The following SORCS2 variants were observed in gnomAD, a reference collection of about 807,000 sequenced individuals.
The protein encoded by SORCS2 is VPS10 domain-containing receptor SorCS2.
Under a neutral mutation model 141.6 loss-of-function variants are expected in SORCS2, and 100 were observed. That is an observed-to-expected ratio of 0.71 (90% CI 0.60 to 0.83). The LOEUF is 0.83. Ranked by LOEUF, SORCS2 falls within the 40% of genes least tolerant of loss-of-function variation. SORCS2 has a pLI of 0.00. For synonymous variants in SORCS2, 789 were observed against 676.9 expected (o/e 1.17, Z -2.57); for missense variants, 1,646 against 1,560.2 (o/e 1.05, Z -0.93).
At chr4:7,703,551 G>A (rs1374928876) in intron 13 of SORCS2, among the ~76,000 whole-genome samples, 180 bp downstream of exon 13, 1 of 152,202 alleles carries the variant, frequency 6.6e-6, no homozygotes, top group Non-Finnish European at 1.5e-5. Flanking sequence ...TTTCCTGAGG[G>A]GTCGTGGAGA....
At chr4:7,270,284 G>A (rs1476655279) in intron 1 of SORCS2, among the ~76,000 whole-genome samples, 1 of 152,274 alleles carries the variant, frequency 6.6e-6, no homozygotes, top group East Asian at 1.9e-4. Flanking sequence ...GCACGCGTGT[G>A]GGTGCAGCAC....
chr4:7,392,359 G>A (rs1292545719), intron 1 of SORCS2, among the ~76,000 whole-genome samples: 4 of 152,168 alleles, frequency 2.6e-5, no homozygotes, highest in Non-Finnish European at 5.9e-5. Context: ...CGGACATCAG[G>A]GGCTTTGGGG....
At chr4:7,334,801 T>C (rs753454439) in intron 1 of SORCS2, among the ~76,000 whole-genome samples, 1 of 151,982 alleles carries the variant, frequency 6.6e-6, no homozygotes, top group Non-Finnish European at 1.5e-5. Flanking sequence ...GCCGGCTTCA[T>C]GGAAGAGGTG....
At chr4:7,624,186 C>T (rs766039762) in intron 3 of SORCS2, among the ~76,000 whole-genome samples, 5 of 137,212 alleles carry the variant, frequency 3.6e-5, no homozygotes, top group African/African-American at 1.0e-4. Context: ...CACCGTGATT[C>T]AAGCTGCTAT....
At chr4:7,410,948 C>CTTTTTT (rs1560262247) in intron 2 of SORCS2, among the ~76,000 whole-genome samples, 1 of 94,576 alleles carries the variant, frequency 1.1e-5, no homozygotes, top group African/African-American at 3.7e-5. Flanking sequence ...TTCTCTCCAT[C>CTTTTTT]CTTTTTTTTT....
intron 8 of SORCS2, 69 bp from the exon 9 acceptor site, chr4:7,675,981 C>G: frequency 1.3e-6 from 2 of 1,517,438 alleles, no homozygotes; most frequent in Admixed American, 4.0e-5. Context: ...GCCTGTGCAG[C>G]CTGCTTCTTC....
rs114900496 is a variant in SORCS2, at chr4:7,232,179, A to G, written c.480+39053A>G. 3.3e-3 allele frequency among the ~76,000 whole-genome samples: 506 copies of G among 152,236 alleles called. 2 individuals carry two copies. Among genetic ancestry groups the G allele is most frequent in the African/African-American group, 0.012 (483 of 41,542 alleles). Reference sequence around the variant, plus strand: ...AATGGAGGCTGCGGGCCCTGGGGGAAGCATGGGCTGTGGGAGTAGCCTAGG... The same window carrying G: ...AATGGAGGCTGCGGGCCCTGGGGGAGGCATGGGCTGTGGGAGTAGCCTAGG... On this transcript the variant is annotated intron_variant, in intron 1 of 26. Transcript: ENST00000507866.
At chr4:7,340,250 G>T (rs539914153) in intron 1 of SORCS2, among the ~76,000 whole-genome samples, 6 of 152,258 alleles carry the variant, frequency 3.9e-5, no homozygotes, top group Non-Finnish European at 7.3e-5. Context: ...CTCACACTCC[G>T]CTGACCATGG....
intron 1 of SORCS2, among the ~76,000 whole-genome samples, chr4:7,345,271 G>A (rs1020472081): frequency 3.9e-5 from 6 of 152,218 alleles, no homozygotes; most frequent in African/African-American, 1.2e-4. Flanking sequence ...GACAGACTGA[G>A]CAGTGCTGTA....
chr4:7,524,694 C>T (rs980906464), intron 2 of SORCS2, among the ~76,000 whole-genome samples: 2 of 151,776 alleles, frequency 1.3e-5, no homozygotes, highest in East Asian at 1.9e-4. Flanking sequence ...AAGTGGGGTG[C>T]GGCAGTGCCT....
chr4:7,446,239 G>T (rs902653926), intron 2 of SORCS2, among the ~76,000 whole-genome samples: 1 of 152,122 alleles, frequency 6.6e-6, no homozygotes. Context: ...GCATCAGTAA[G>T]CCTCTGATGT....
chr4:7,444,747 G>A (rs774456169), intron 2 of SORCS2, among the ~76,000 whole-genome samples: 11 of 152,222 alleles, frequency 7.2e-5, no homozygotes, highest in Non-Finnish European at 1.2e-4. Context: ...AGTCAGAGGC[G>A]ACTGTGGTGG....
chr4:7,510,682 G>A (rs1732577496), intron 2 of SORCS2, among the ~76,000 whole-genome samples: 2 of 147,948 alleles, frequency 1.4e-5, no homozygotes, highest in Admixed American at 6.8e-5. Context: ...CCCCGGGGCC[G>A]GCACCTTGTT....
At chr4:7,740,068 G>A in intron 26 of SORCS2, 132 bp from the exon 27 acceptor site, 1 of 715,228 alleles carries the variant, frequency 1.4e-6, no homozygotes, top group East Asian at 2.7e-5. Context: ...ACCTGCACGG[G>A]CTGAAGGAAG....
At chr4:7,560,567 A>T (rs988872626) in intron 3 of SORCS2, among the ~76,000 whole-genome samples, 3 of 152,100 alleles carry the variant, frequency 2.0e-5, no homozygotes, top group African/African-American at 4.8e-5. Flanking sequence ...CCAGCCCAAG[A>T]TGCGCCCCCA....
chr4:7,346,984 A>C (rs1220631072), intron 1 of SORCS2, among the ~76,000 whole-genome samples: 1 of 152,254 alleles, frequency 6.6e-6, no homozygotes, highest in Non-Finnish European at 1.5e-5. Flanking sequence ...CATACATAGT[A>C]GTAGGTGCTC....
intron 2 of SORCS2, among the ~76,000 whole-genome samples, chr4:7,428,718 G>C (rs1726622409): frequency 6.6e-6 from 1 of 152,192 alleles, no homozygotes; most frequent in African/African-American, 2.4e-5. Context: ...AAAGAACAAG[G>C]GGAGGGGCTG....
chr4:7,569,572 TA>T (rs1715244494), intron 3 of SORCS2, among the ~76,000 whole-genome samples: 1 of 152,196 alleles, frequency 6.6e-6, no homozygotes, highest in Non-Finnish European at 1.5e-5. Context: ...GTGTGTACAA[TA>T]TGCCCATTTT....
At chr4:7,280,573 C>A (rs1473136604) in intron 1 of SORCS2, among the ~76,000 whole-genome samples, 1 of 152,184 alleles carries the variant, frequency 6.6e-6, no homozygotes, top group African/African-American at 2.4e-5. Context: ...AGTGTTTAGA[C>A]ATGATGTTTG....
Sources: gnomAD v4.1 joint callset for allele counts (sites outside exome capture counted in the v4.1 genomes callset) on GRCh38, gnomAD v4.1.1 for gene constraint, MANE v1.5 for transcripts, NCBI Gene and HGNC (gene_info 2026-07-23, HGNC 2026-07-21) for gene names.